GALNT10: variants seen among roughly 807,000 people sequenced by gnomAD.
GALNT10 encodes polypeptide N-acetylgalactosaminyltransferase 10.
A neutral mutation model predicts 75.0 loss-of-function variants in GALNT10; 41 were observed. The ratio of observed to expected loss-of-function variants is 0.55; its 90% CI spans 0.43 to 0.71. The LOEUF (loss-of-function observed/expected upper bound fraction) is 0.71. GALNT10 is among the 30% of genes least tolerant of loss of function. GALNT10 has a pLI of 0.00. For missense variants in GALNT10, 727 were observed against 818.5 expected (o/e 0.89, Z 1.36); for synonymous variants, 302 against 313.0 (o/e 0.96, Z 0.37).
chr5:154,341,097 A>T (rs959643210), intron 4 of GALNT10, among the ~76,000 whole-genome samples: 1 of 152,196 alleles, frequency 6.6e-6, no homozygotes, highest in African/African-American at 2.4e-5. Flanking sequence ...AGAACAAAGA[A>T]ATAGACACGT....
At chr5:154,208,906 A>G (rs12517532) in intron 1 of GALNT10, among the ~76,000 whole-genome samples, 67,765 of 152,066 alleles carry the variant, frequency 0.45, 15,931 homozygotes, top group East Asian at 0.78. Flanking sequence ...GGCCCCCGTA[A>G]GCTGAGATCC....
At chr5:154,216,040 G>C (rs747900621) in intron 1 of GALNT10, among the ~76,000 whole-genome samples, 1 of 152,060 alleles carries the variant, frequency 6.6e-6, no homozygotes, top group Non-Finnish European at 1.5e-5. Flanking sequence ...GGGGAAACCT[G>C]TTTGTTTCAT....
chr5:154,300,561 T>TGA (rs200198089), intron 3 of GALNT10, among the ~76,000 whole-genome samples: 2 of 152,092 alleles, frequency 1.3e-5, no homozygotes, highest in South Asian at 2.1e-4. Context: ...ATTTCTGCAG[T>TGA]GAGAGAGAGA....
intron 10 of GALNT10, among the ~76,000 whole-genome samples, chr5:154,414,265 C>T (rs1191255148): frequency 6.6e-6 from 1 of 152,098 alleles, no homozygotes; most frequent in African/African-American, 2.4e-5. Context: ...AGGTATTTAT[C>T]CAAGAGAAAG....
At chr5:154,311,351 TC>T (rs957128532) in intron 3 of GALNT10, among the ~76,000 whole-genome samples, 3 of 152,232 alleles carry the variant, frequency 2.0e-5, no homozygotes, top group African/African-American at 7.2e-5. Context: ...CTCAACATTG[TC>T]TTCTGGTTTA....
chr5:154,317,630 C>G (rs572621765), intron 3 of GALNT10, among the ~76,000 whole-genome samples: 3 of 152,316 alleles, frequency 2.0e-5, no homozygotes, highest in African/African-American at 4.8e-5. Flanking sequence ...AGTTGTGCCT[C>G]TTTGTCCTTC....
intron 4 of GALNT10, among the ~76,000 whole-genome samples, chr5:154,359,565 A>G (rs888809545): frequency 1.5e-4 from 23 of 150,892 alleles, no homozygotes; most frequent in Admixed American, 8.6e-4. Context: ...GAGAGAGAGA[A>G]AAGAAAAAAC....
chr5:154,250,270 T>G (rs1263611833), intron 1 of GALNT10, among the ~76,000 whole-genome samples: 2 of 152,188 alleles, frequency 1.3e-5, no homozygotes, highest in African/African-American at 4.8e-5. Flanking sequence ...ATTTTGGTCT[T>G]TCTTTCTTGG....
chr5:154,288,914 T>C (rs972574630), intron 1 of GALNT10, among the ~76,000 whole-genome samples: 12 of 152,216 alleles, frequency 7.9e-5, no homozygotes, highest in Non-Finnish European at 1.6e-4. Flanking sequence ...CACTATTAAC[T>C]AAGACTTTTT....
intron 1 of GALNT10, among the ~76,000 whole-genome samples, chr5:154,292,055 G>A (rs563183958): frequency 2.5e-4 from 38 of 152,264 alleles, no homozygotes; most frequent in Admixed American, 1.8e-3. Flanking sequence ...AAACCAAAAC[G>A]AAAAGCACCT....
chr5:154,300,373 T>A (rs566077985), intron 3 of GALNT10, among the ~76,000 whole-genome samples: 2 of 152,260 alleles, frequency 1.3e-5, no homozygotes, highest in South Asian at 4.2e-4. Flanking sequence ...GTACTGTGGG[T>A]TCTCAACCCT....
intron 1 of GALNT10, among the ~76,000 whole-genome samples, chr5:154,204,065 C>T (rs1436025496): frequency 1.3e-5 from 2 of 152,204 alleles, no homozygotes; most frequent in African/African-American, 4.8e-5. Context: ...CTAGTCTTTT[C>T]ATGATGAAAG....
In GALNT10 at chr5:154,412,609, TA is replaced by T. The variant is rs1173074440; in HGVS notation, c.1387-279del. On this transcript the variant is annotated intron_variant, in intron 9 of 11. Transcript: ENST00000297107. The surrounding 1 kb of genome is among the most constrained non-coding windows in gnomAD (Gnocchi z 4.2). ...CCAGGAGTAGGGCCAGGGAGTCCTT[TA>T]CCAACTCCTCACCTCCACTCCCCCA... The T allele has an allele frequency of 5.7e-6, 2 of 348,902 alleles. No individual in the cohort carries two copies. Among genetic ancestry groups the T allele is most frequent in the African/African-American group, 4.4e-5 (2 of 45,592 alleles). 21.6% of individuals were successfully genotyped at this position (348,902 alleles called of 1,614,324 possible).
At chr5:154,378,318 A>ATCATCATCATCG (rs1331831773) in intron 5 of GALNT10, among the ~76,000 whole-genome samples, 1 of 9,970 alleles carries the variant, frequency 1.0e-4, no homozygotes, top group Non-Finnish European at 1.9e-4. Flanking sequence ...TTCCTTTTTT[A>ATCATCATCATCG]TCATCATCAT....
At chr5:154,285,314 G>T (rs763820016) in intron 1 of GALNT10, among the ~76,000 whole-genome samples, 1 of 152,124 alleles carries the variant, frequency 6.6e-6, no homozygotes, top group Non-Finnish European at 1.5e-5. Context: ...TCTTGACTAT[G>T]TGTCACTGAA....
Position 154,250,205 on chromosome 5 carries a change from G to A in GALNT10, c.160-44611G>A, listed in dbSNP as rs370886702. ...CTGTGGAACTGGGAGATTGTTCAGG[G>A]CAACTGATAAGTCAGTCCTTTGGAC... is the stretch of plus-strand genomic sequence containing the variant. On this transcript the variant is annotated intron_variant, in intron 1 of 11. Transcript: ENST00000297107. 3.9e-5 allele frequency among the ~76,000 whole-genome samples: 6 copies of A among 152,146 alleles called. No individual in the cohort carries two copies. In the East Asian group the frequency reaches 9.6e-4, roughly 24 times the overall value.
intron 4 of GALNT10, among the ~76,000 whole-genome samples, chr5:154,331,434 T>C (rs964365236): frequency 1.3e-5 from 2 of 152,172 alleles, no homozygotes; most frequent in African/African-American, 4.8e-5. Context: ...CTACATACTA[T>C]CTCTGTGACC....
At chr5:154,270,077 G>A (rs1753838526) in intron 1 of GALNT10, among the ~76,000 whole-genome samples, 1 of 151,820 alleles carries the variant, frequency 6.6e-6, no homozygotes, top group Non-Finnish European at 1.5e-5. Context: ...GAGATGAAGG[G>A]GGTCTCAACT....
intron 3 of GALNT10, among the ~76,000 whole-genome samples, chr5:154,311,110 A>G (rs762705237): frequency 6.6e-6 from 1 of 152,214 alleles, no homozygotes; most frequent in Non-Finnish European, 1.5e-5. Flanking sequence ...ACTTACATCT[A>G]TGTGACTGGA....
Sources: gnomAD v4.1 joint callset for allele counts (sites outside exome capture counted in the v4.1 genomes callset) on GRCh38, gnomAD v4.1.1 for gene constraint, Gnocchi (gnomAD v3.1) non-coding constraint, MANE v1.5 for transcripts, NCBI Gene and HGNC (gene_info 2026-07-23, HGNC 2026-07-21) for gene names.